Variants in EPHA6 observed in about 807,000 individuals in gnomAD.
The protein encoded by EPHA6 is ephrin type-A receptor 6.
A neutral mutation model predicts 112.0 loss-of-function variants in EPHA6; 50 were observed. The ratio of observed to expected loss-of-function variants is 0.45; its 90% CI spans 0.36 to 0.56. The LOEUF (loss-of-function observed/expected upper bound fraction) is 0.56. Ranked by LOEUF, EPHA6 falls within the 20% of genes least tolerant of loss-of-function variation. The probability of loss-of-function intolerance (pLI) is 0.00; values close to 1 mark genes in which losing one functional copy is unlikely to be tolerated. For missense variants in EPHA6, 1,280 were observed against 1,417.4 expected (o/e 0.90, Z 1.56); for synonymous variants, 529 against 490.7 (o/e 1.08, Z -1.03).
At chr3:97,277,641 G>A (rs1207913592) in intron 5 of EPHA6, among the ~76,000 whole-genome samples, 2 of 152,060 alleles carry the variant, frequency 1.3e-5, no homozygotes, top group African/African-American at 2.4e-5. Context: ...TAGTACTTTA[G>A]GCAATTGTAA....
chr3:97,394,610 C>A (rs531794649), intron 5 of EPHA6, among the ~76,000 whole-genome samples: 2 of 151,604 alleles, frequency 1.3e-5, no homozygotes, highest in African/African-American at 4.8e-5. Context: ...GTTAAATGGG[C>A]AAAATATCTG....
chr3:96,979,797 G>A (rs962579471), intron 2 of EPHA6, among the ~76,000 whole-genome samples: 3 of 152,096 alleles, frequency 2.0e-5, no homozygotes, highest in Non-Finnish European at 4.4e-5. Flanking sequence ...TTCTCTGATG[G>A]CCAGTGATGA....
At chr3:97,009,207 A>C (rs958099418) in intron 3 of EPHA6, among the ~76,000 whole-genome samples, 2 of 152,020 alleles carry the variant, frequency 1.3e-5, no homozygotes, top group Admixed American at 6.5e-5. Flanking sequence ...AACTACCAAG[A>C]GGAAAGGCTA....
chr3:96,941,436 G>T (rs1370452683), intron 2 of EPHA6, among the ~76,000 whole-genome samples: 1 of 152,146 alleles, frequency 6.6e-6, no homozygotes, highest in African/African-American at 2.4e-5. Flanking sequence ...TCGAGCCTTG[G>T]CTTTCAGCTC....
chr3:97,534,456 C>A (rs2092734334), intron 11 of EPHA6, among the ~76,000 whole-genome samples: 1 of 149,824 alleles, frequency 6.7e-6, no homozygotes, highest in African/African-American at 2.5e-5. Flanking sequence ...AAACCCACCC[C>A]CCCCTTTTTT....
intron 10 of EPHA6, among the ~76,000 whole-genome samples, chr3:97,488,350 T>A (rs2091750790): frequency 6.6e-6 from 1 of 152,142 alleles, no homozygotes; most frequent in South Asian, 2.1e-4. Flanking sequence ...TAAAAGAATG[T>A]CAAAAGGACA....
chr3:96,925,308 T>A (rs891048073), intron 2 of EPHA6, among the ~76,000 whole-genome samples: 1 of 152,174 alleles, frequency 6.6e-6, no homozygotes, highest in Non-Finnish European at 1.5e-5. Context: ...CATTTATTAC[T>A]CTCTCAATTT....
At chr3:97,505,443 G>A (rs1027618685) in intron 10 of EPHA6, among the ~76,000 whole-genome samples, 2 of 151,948 alleles carry the variant, frequency 1.3e-5, no homozygotes, top group Non-Finnish European at 2.9e-5. Context: ...GTGGTGTTTG[G>A]TTGTCTGTTC....
chr3:97,438,867 C>G (rs765829348), intron 6 of EPHA6, among the ~76,000 whole-genome samples: 27 of 152,128 alleles, frequency 1.8e-4, no homozygotes, highest in Non-Finnish European at 3.1e-4. Context: ...TATAACCTTT[C>G]CAGTTTTCAT....
intron 2 of EPHA6, among the ~76,000 whole-genome samples, chr3:96,959,423 A>G (rs1211616548): frequency 3.3e-5 from 5 of 152,046 alleles, no homozygotes; most frequent in African/African-American, 1.2e-4. Flanking sequence ...TATCAAATAT[A>G]TGAATAACAA....
At chr3:97,083,046 A>G (rs1013890025) in intron 3 of EPHA6, among the ~76,000 whole-genome samples, 1 of 151,938 alleles carries the variant, frequency 6.6e-6, no homozygotes, top group African/African-American at 2.4e-5. Flanking sequence ...TATTCTATCT[A>G]TAACTCAGAT....
intron 3 of EPHA6, among the ~76,000 whole-genome samples, chr3:97,217,958 AT>A (rs1340332602): frequency 3.9e-5 from 6 of 152,188 alleles, no homozygotes; most frequent in African/African-American, 1.4e-4. Context: ...CTAGAATATC[AT>A]ATACTTATAT....
At chr3:97,260,429 A>G (rs771359570) in intron 5 of EPHA6, among the ~76,000 whole-genome samples, 14 of 152,188 alleles carry the variant, frequency 9.2e-5, no homozygotes, top group Admixed American at 2.0e-4. Flanking sequence ...ATGCTCATTC[A>G]CTTTAGGAGA....
rs1160835466 is a variant in EPHA6 at position 97,754,155 on chromosome 3, CTTGG to C, written c.*5455_*5458del. ...CCAGGCTGGAGTGCAATGGTGCAAT[CTTGG>C]CTCACCACAACCTCCGCCTCCCAGG... On this transcript the variant is annotated 3_prime_UTR_variant, in exon 18 of 18. Transcript: ENST00000389672. Among the ~76,000 whole-genome samples the C allele has an allele frequency of 3.0e-5, 4 of 133,610 alleles. No homozygotes were observed. Among genetic ancestry groups the C allele is most frequent in the Non-Finnish European group, 6.1e-5 (4 of 65,456 alleles). 87.7% of individuals were successfully genotyped at this position (133,610 alleles called of 152,430 possible).
At chr3:96,978,906 A>G (rs2042638315) in intron 2 of EPHA6, among the ~76,000 whole-genome samples, 1 of 152,228 alleles carries the variant, frequency 6.6e-6, no homozygotes, top group Admixed American at 6.5e-5. Flanking sequence ...AGGAAATATT[A>G]TAATTTCATA....
At chr3:96,832,460 C>G (rs1490412581) in intron 1 of EPHA6, among the ~76,000 whole-genome samples, 3 of 151,990 alleles carry the variant, frequency 2.0e-5, no homozygotes, top group Non-Finnish European at 4.4e-5. Context: ...GCAGTATAGA[C>G]AGTAAGGAAA....
chr3:96,946,021 C>T (rs943397965), intron 2 of EPHA6, among the ~76,000 whole-genome samples: 4 of 152,086 alleles, frequency 2.6e-5, no homozygotes, highest in Admixed American at 6.6e-5. Context: ...CCCTTGGCAA[C>T]CACTGATCTT....
chr3:96,962,471 C>T (rs2041979769), intron 2 of EPHA6, among the ~76,000 whole-genome samples: 1 of 148,924 alleles, frequency 6.7e-6, no homozygotes, highest in African/African-American at 2.5e-5. Context: ...GTTTCCAGTT[C>T]TCACTGGGAA....
intron 2 of EPHA6, among the ~76,000 whole-genome samples, chr3:96,929,373 G>A (rs2040200657): frequency 1.3e-5 from 2 of 152,168 alleles, no homozygotes; most frequent in Non-Finnish European, 2.9e-5. Flanking sequence ...GCTGCTAATG[G>A]TTTTTCCTTT....
Sources: allele counts gnomAD v4.1 joint callset (sites outside exome capture counted in the v4.1 genomes callset), GRCh38; gene constraint gnomAD v4.1.1; transcripts MANE v1.5; gene names NCBI Gene and HGNC (gene_info 2026-07-23, HGNC 2026-07-21).